The following KLF12 variants were observed in gnomAD, a reference collection of about 807,000 sequenced individuals.
KLF12 encodes KLF transcription factor 12.
Under a neutral mutation model 37.8 loss-of-function variants are expected in KLF12, and 9 were observed. The observed-to-expected ratio is 0.24, with a 90% confidence interval of 0.14 to 0.42. The LOEUF (loss-of-function observed/expected upper bound fraction) is 0.42, where lower values mean the gene tolerates loss of function less well. Ranked by LOEUF, KLF12 falls within the 10% of genes least tolerant of loss-of-function variation. KLF12 has a pLI of 1.00. For missense variants in KLF12, 411 were observed against 516.0 expected (o/e 0.80, Z 1.97); for synonymous variants, 208 against 202.1 (o/e 1.03, Z -0.25).
chr13:74,274,158 G>A, the KLF12 span, among the ~76,000 whole-genome samples: 1 of 152,074 alleles, frequency 6.6e-6, no homozygotes, highest in Non-Finnish European at 1.5e-5. Context: ...CTTCTGGTAA[G>A]GAAATACTTT....
chr13:73,699,536 G>A (rs1286388979), intron 7 of KLF12, among the ~76,000 whole-genome samples: 2 of 152,160 alleles, frequency 1.3e-5, no homozygotes, highest in East Asian at 3.8e-4. Context: ...AGGTCACATG[G>A]TATGAAGATC....
chr13:74,202,888 C>T, the KLF12 span, among the ~76,000 whole-genome samples: 17 of 151,968 alleles, frequency 1.1e-4, no homozygotes, highest in African/African-American at 2.4e-4. Context: ...TAAAGGAGCA[C>T]GGTAGGAAAG....
intron 3 of KLF12, among the ~76,000 whole-genome samples, chr13:73,940,813 A>G (rs1471211088): frequency 6.6e-6 from 1 of 152,220 alleles, no homozygotes; most frequent in Non-Finnish European, 1.5e-5. Context: ...CAAGGCAGCC[A>G]GAACTTTTCA....
intron 5 of KLF12, among the ~76,000 whole-genome samples, chr13:73,783,984 T>C (rs1046727779): frequency 6.6e-6 from 1 of 152,168 alleles, no homozygotes; most frequent in Non-Finnish European, 1.5e-5. Flanking sequence ...CTGCTCAATG[T>C]ACTTAAGACT....
intron 1 of KLF12, among the ~76,000 whole-genome samples, chr13:74,056,573 CT>C (rs766371775): frequency 2.6e-5 from 4 of 152,170 alleles, no homozygotes; most frequent in Non-Finnish European, 5.9e-5. Context: ...AGAAGTAAAA[CT>C]TATCTAAGTA....
chr13:73,710,121 T>G (rs761431457), intron 7 of KLF12, among the ~76,000 whole-genome samples: 3 of 152,006 alleles, frequency 2.0e-5, no homozygotes, highest in Non-Finnish European at 4.4e-5. Context: ...CTCAACACTT[T>G]CAGTGATAGG....
At chr13:74,241,256 G>C in the KLF12 span, among the ~76,000 whole-genome samples, 1,773 of 149,998 alleles carry the variant, frequency 0.012, 44 homozygotes, top group African/African-American at 0.042. Flanking sequence ...TAGGCTGCCC[G>C]GGGGTCAGGG....
At chr13:73,902,234 A>G (rs1012215710) in intron 3 of KLF12, among the ~76,000 whole-genome samples, 1 of 152,236 alleles carries the variant, frequency 6.6e-6, no homozygotes, top group Non-Finnish European at 1.5e-5. Flanking sequence ...TTAGAAGGGT[A>G]AGAGATTCAG....
chr13:73,862,695 G>GT (rs1309855801), intron 3 of KLF12, among the ~76,000 whole-genome samples: 9 of 151,796 alleles, frequency 5.9e-5, no homozygotes, highest in African/African-American at 2.2e-4. Context: ...TCCTTTATTG[G>GT]TTTTCCTTAT....
chr13:73,950,670 C>T (rs1013039639), intron 2 of KLF12, among the ~76,000 whole-genome samples: 1 of 152,124 alleles, frequency 6.6e-6, no homozygotes, highest in African/African-American at 2.4e-5. Context: ...TATTAACCTA[C>T]CACCAACCAA....
At chr13:74,235,700 C>T in the KLF12 span, among the ~76,000 whole-genome samples, 2 of 152,078 alleles carry the variant, frequency 1.3e-5, no homozygotes, top group African/African-American at 4.8e-5. Context: ...GAGTATTTCT[C>T]TCCTTTGAAG....
chr13:74,050,181 A>G (rs549896372), intron 1 of KLF12, among the ~76,000 whole-genome samples: 4 of 152,302 alleles, frequency 2.6e-5, no homozygotes, highest in African/African-American at 9.6e-5. Flanking sequence ...GAGAAAAGTA[A>G]CTGACAAATG....
chr13:74,069,143 T>C (rs897419034), intron 1 of KLF12, among the ~76,000 whole-genome samples: 5 of 152,194 alleles, frequency 3.3e-5, no homozygotes, highest in African/African-American at 1.2e-4. Context: ...GACCCCTGAA[T>C]TACACAGGTT....
At chr13:73,995,699 C>T (rs1313953238) in intron 1 of KLF12, among the ~76,000 whole-genome samples, 1 of 152,110 alleles carries the variant, frequency 6.6e-6, no homozygotes, top group Admixed American at 6.5e-5. Flanking sequence ...GGTCCAAAAT[C>T]TCCAGGACCA....
chr13:74,144,543 C>T, the KLF12 span, among the ~76,000 whole-genome samples: 21 of 152,206 alleles, frequency 1.4e-4, no homozygotes, highest in Non-Finnish European at 1.6e-4. Flanking sequence ...GTAGTCTACA[C>T]GGCATTTTTT....
chr13:73,931,088 C>T (rs1023596881), intron 3 of KLF12, among the ~76,000 whole-genome samples: 6 of 151,976 alleles, frequency 3.9e-5, no homozygotes, highest in African/African-American at 1.5e-4. Flanking sequence ...AAACTCCCAA[C>T]CTCAGGTGAT....
chr13:73,865,324 T>C lies in KLF12; in HGVS notation c.124-18951A>G, dbSNP rs149649066. Among the ~76,000 whole-genome samples, 442 of 152,294 alleles carry C rather than the reference T, an allele frequency of 2.9e-3. 1 individual carries two copies. The highest frequency in any genetic ancestry group is 9.9e-3 in the African/African-American group (413 of 41,586). On this transcript the variant is annotated intron_variant, in intron 3 of 7. Transcript: ENST00000377669. Reference sequence around the variant, plus strand: ...AATAATCTGGACAATTTATAGCACGTAAAATGTGGAAAAAGAAAAGCCCAA... The same window carrying C: ...AATAATCTGGACAATTTATAGCACGCAAAATGTGGAAAAAGAAAAGCCCAA...
the KLF12 span, among the ~76,000 whole-genome samples, chr13:74,207,691 A>G: frequency 2.0e-5 from 3 of 152,106 alleles, no homozygotes; most frequent in South Asian, 4.1e-4. Flanking sequence ...AAACAAAACA[A>G]AACAAAAAAA....
At chr13:74,226,102 C>CT in the KLF12 span, among the ~76,000 whole-genome samples, 4,953 of 152,110 alleles carry the variant, frequency 0.033, 118 homozygotes, top group Middle Eastern at 0.071. Context: ...GTGGAAATAG[C>CT]TTTTTTTAAA....
Sources: allele counts gnomAD v4.1 joint callset (sites outside exome capture counted in the v4.1 genomes callset), GRCh38; gene constraint gnomAD v4.1.1; transcripts MANE v1.5; gene names NCBI Gene and HGNC (gene_info 2026-07-23, HGNC 2026-07-21).